DLG2: variants seen among roughly 807,000 people sequenced by gnomAD.
DLG2 encodes the protein disks large homolog 2.
Under a neutral mutation model 132.5 loss-of-function variants are expected in DLG2, and 45 were observed. The observed-to-expected ratio is 0.34, with a 90% CI of 0.27 to 0.44. The LOEUF (loss-of-function observed/expected upper bound fraction) is 0.44. Among genes scored for constraint, DLG2 ranks in the 20% least tolerant of loss-of-function variants. DLG2 has a pLI of 1.00. For synonymous variants in DLG2, 424 were observed against 419.6 expected (o/e 1.01, Z -0.13); for missense variants, 1,045 against 1,196.9 (o/e 0.87, Z 1.87).
intron 7 of DLG2, among the ~76,000 whole-genome samples, chr11:84,385,447 G>A (rs1338712474): frequency 1.3e-5 from 2 of 152,084 alleles, no homozygotes; most frequent in Non-Finnish European, 2.9e-5. Context: ...TTTCTCCAGA[G>A]CTCATGATCT....
At chr11:83,844,684 C>T (rs759291760) in intron 16 of DLG2, among the ~76,000 whole-genome samples, 9 of 151,862 alleles carry the variant, frequency 5.9e-5, no homozygotes, top group Non-Finnish European at 1.2e-4. Flanking sequence ...CCACCTGAGT[C>T]GTAGAAGAAA....
intron 18 of DLG2, among the ~76,000 whole-genome samples, chr11:83,739,838 T>A (rs2092359503): frequency 6.6e-6 from 1 of 152,124 alleles, no homozygotes; most frequent in African/African-American, 2.4e-5. Flanking sequence ...CTCATCACAG[T>A]GCAGCTGGAG....
chr11:84,620,612 T>C (rs1467600287), intron 6 of DLG2, among the ~76,000 whole-genome samples: 1 of 152,026 alleles, frequency 6.6e-6, no homozygotes, highest in Non-Finnish European at 1.5e-5. Context: ...GAATGCTGAA[T>C]AAAGATATTT....
In DLG2 at chr11:83,804,579, G is replaced by GACAC. The variant is rs61221099; in HGVS notation, c.1723-17791_1723-17788dup. Among the ~76,000 whole-genome samples, 242 of 142,118 alleles carry GACAC rather than the reference G, an allele frequency of 1.7e-3. 1 individual carries two copies. The highest frequency in any genetic ancestry group is 0.013 in the East Asian group (60 of 4,782). The allele number at this position is 142,118 out of a possible 152,430, so 93.2% of individuals were successfully genotyped here. A position where few individuals can be genotyped will look rare whatever the true frequency, so the allele number is the denominator to read the frequency against. On this transcript the variant is annotated intron_variant, in intron 17 of 27. Coordinates refer to ENST00000376104, the MANE Select transcript of DLG2 (RefSeq NM_001142699.3). ...TTACCTACCTATCTGCCTAGCAGAAGACACACACACACACACACACACACA... is the reference window on the plus strand; with the variant it reads ...TTACCTACCTATCTGCCTAGCAGAAGACACACACACACACACACACACACACACA...
chr11:84,552,042 A>C (rs2099402802), intron 6 of DLG2, among the ~76,000 whole-genome samples: 1 of 152,136 alleles, frequency 6.6e-6, no homozygotes, highest in Non-Finnish European at 1.5e-5. Flanking sequence ...TTAGACTGAG[A>C]GCTCCCTGAT....
chr11:83,818,870 T>C (rs553226405), intron 17 of DLG2, among the ~76,000 whole-genome samples: 5 of 152,268 alleles, frequency 3.3e-5, no homozygotes, highest in African/African-American at 1.2e-4. Flanking sequence ...TAAATTTGGG[T>C]AGCATAAGAG....
chr11:84,433,419 G>A (rs775669796), intron 7 of DLG2, among the ~76,000 whole-genome samples: 8 of 152,104 alleles, frequency 5.3e-5, no homozygotes, highest in Admixed American at 2.0e-4. Context: ...AAGTTGAAAC[G>A]TGACAACAGG....
At chr11:84,728,449 C>G (rs1297227623) in intron 6 of DLG2, among the ~76,000 whole-genome samples, 1 of 152,096 alleles carries the variant, frequency 6.6e-6, no homozygotes, top group South Asian at 2.1e-4. Context: ...CCAACTTGAT[C>G]GTGGTGGATA....
At chr11:85,137,614 T>A (rs949370593) in intron 5 of DLG2, among the ~76,000 whole-genome samples, 4 of 152,138 alleles carry the variant, frequency 2.6e-5, no homozygotes, top group African/African-American at 9.7e-5. Flanking sequence ...GATAGGTTCA[T>A]CTCTGGGTTC....
chr11:84,845,930 A>G (rs1350648904), intron 6 of DLG2, among the ~76,000 whole-genome samples: 1 of 151,972 alleles, frequency 6.6e-6, no homozygotes, highest in Non-Finnish European at 1.5e-5. Flanking sequence ...TCAGCCTCCC[A>G]AAGTGCTGAG....
chr11:84,187,363 T>C (rs1040138364), intron 8 of DLG2, among the ~76,000 whole-genome samples: 3 of 152,024 alleles, frequency 2.0e-5, no homozygotes, highest in Non-Finnish European at 4.4e-5. Flanking sequence ...GTAAAGGCTC[T>C]TGAAGGTGGT....
At chr11:85,351,586 T>C (rs1046754611) in intron 3 of DLG2, among the ~76,000 whole-genome samples, 1 of 152,234 alleles carries the variant, frequency 6.6e-6, no homozygotes, top group Non-Finnish European at 1.5e-5. Context: ...ATACGTTCCA[T>C]CAGTACCTAG....
At chr11:83,878,866 G>C (rs902778871) in intron 15 of DLG2, among the ~76,000 whole-genome samples, 1 of 152,058 alleles carries the variant, frequency 6.6e-6, no homozygotes, top group Non-Finnish European at 1.5e-5. Context: ...TACTAAATTG[G>C]GCAACTGTGG....
chr11:85,483,592 T>C (rs982339890), intron 3 of DLG2, among the ~76,000 whole-genome samples: 15 of 152,150 alleles, frequency 9.9e-5, no homozygotes, highest in African/African-American at 3.4e-4. Context: ...ATACTCTAAC[T>C]GCAATGGTGA....
At chr11:83,850,919 G>C (rs368839607) in intron 16 of DLG2, among the ~76,000 whole-genome samples, 3 of 152,114 alleles carry the variant, frequency 2.0e-5, no homozygotes, top group Non-Finnish European at 2.9e-5. Flanking sequence ...GCTCACACCT[G>C]TAATCCCACT....
intron 5 of DLG2, among the ~76,000 whole-genome samples, chr11:85,119,697 T>C (rs2074080462): frequency 1.3e-5 from 2 of 152,028 alleles, no homozygotes; most frequent in South Asian, 4.1e-4. Context: ...CTTCCAAACA[T>C]ATTTATAAAT....
At chr11:84,600,210 A>G (rs1565419914) in intron 6 of DLG2, among the ~76,000 whole-genome samples, 2 of 137,000 alleles carry the variant, frequency 1.5e-5, no homozygotes, top group East Asian at 2.0e-4. Context: ...GAAAGAAAGA[A>G]AGAAAGAAAG....
chr11:85,222,861 G>C (rs1013268420), intron 4 of DLG2, among the ~76,000 whole-genome samples: 1 of 152,034 alleles, frequency 6.6e-6, no homozygotes, highest in African/African-American at 2.4e-5. Context: ...GCTAACAAAT[G>C]GGTCAAGTTA....
At chr11:84,641,685 A>G (rs1413463723) in intron 6 of DLG2, among the ~76,000 whole-genome samples, 6 of 152,100 alleles carry the variant, frequency 3.9e-5, no homozygotes, top group African/African-American at 1.4e-4. Context: ...GCTCAATTCT[A>G]CTTTCAAGCT....
Sources: allele counts gnomAD v4.1 joint callset (sites outside exome capture counted in the v4.1 genomes callset), GRCh38; gene constraint gnomAD v4.1.1; transcripts MANE v1.5; gene names NCBI Gene and HGNC (gene_info 2026-07-23, HGNC 2026-07-21).